Variants in GALNT18 observed in about 807,000 individuals in gnomAD.
GALNT18 encodes GalNAc-transferase 18.
A neutral mutation model predicts 69.5 loss-of-function variants in GALNT18; 44 were observed. That is an observed-to-expected ratio of 0.63 (90% CI 0.50 to 0.81). The LOEUF is 0.81. Ranked by LOEUF, GALNT18 falls within the 40% of genes least tolerant of loss-of-function variation. GALNT18 has a pLI of 0.00. For synonymous variants in GALNT18, 364 were observed against 318.2 expected (o/e 1.14, Z -1.53); for missense variants, 715 against 810.0 (o/e 0.88, Z 1.42).
chr11:11,326,291 A>G (rs149748943), intron 9 of GALNT18, among the ~76,000 whole-genome samples: 468 of 152,164 alleles, frequency 3.1e-3, no homozygotes, highest in Non-Finnish European at 4.7e-3. Flanking sequence ...TGATCCACCC[A>G]CCTTGGCCTC....
chr11:11,620,948 CA>C lies in GALNT18; in HGVS notation c.235+410del, dbSNP rs957172868. Among the ~76,000 whole-genome samples, 1 of 151,996 alleles carries C rather than the reference CA, an allele frequency of 6.6e-6. No homozygotes were observed. Among genetic ancestry groups the C allele is most frequent in the Non-Finnish European group, 1.5e-5 (1 of 67,990 alleles). On this transcript the variant is annotated intron_variant, in intron 1 of 10. Coordinates refer to ENST00000227756, the MANE Select transcript of GALNT18 (RefSeq NM_198516.3). The surrounding 1 kb of genome is among the most constrained non-coding windows in gnomAD (Gnocchi z 6.9). ...CATCTCGCCTGACGCCTACAGTGGCCAAAAAAGCTCGTTTGCCCGCGCGTTC... is the reference window on the plus strand; with the variant it reads ...CATCTCGCCTGACGCCTACAGTGGCCAAAAAGCTCGTTTGCCCGCGCGTTC...
At chr11:11,545,487 A>G (rs775964302) in intron 1 of GALNT18, among the ~76,000 whole-genome samples, 39 of 152,202 alleles carry the variant, frequency 2.6e-4, no homozygotes, top group Non-Finnish European at 5.3e-4. Context: ...TATGCCAACC[A>G]TGCCCACCTG....
chr11:11,284,374 T>C (rs1849148406), intron 10 of GALNT18, among the ~76,000 whole-genome samples: 1 of 152,178 alleles, frequency 6.6e-6, no homozygotes, highest in South Asian at 2.1e-4. Context: ...TCACTTCTGA[T>C]TCACTAGGTC....
rs1859993473 is a variant in GALNT18, at chr11:11,614,362, A to AGGAG, written c.235+6996_235+6997insCTCC. 1.4e-3 allele frequency among the ~76,000 whole-genome samples: 208 copies of AGGAG among 146,400 alleles called. 1 individual carries two copies. The highest frequency in any genetic ancestry group is 5.1e-3 in the African/African-American group (198 of 39,008). On this transcript the variant is annotated intron_variant, in intron 1 of 10. Transcript: ENST00000227756. The surrounding 1 kb of genome is among the most constrained non-coding windows in gnomAD (Gnocchi z 5.6). ...CAAGAGAGTGAGGAGAAGAAGAAGA[A>AGGAG]GAGGAGGAGGAGGAGGAGGAGGAGG...
At position 11,379,806 on chromosome 11, in the gene GALNT18, C is replaced by T. The variant is rs572658685; in HGVS notation, c.596-542G>A. Among the ~76,000 whole-genome samples the T allele has an allele frequency of 2.0e-3, 307 of 152,336 alleles. 1 individual carries two copies. Among genetic ancestry groups the T allele is most frequent in the African/African-American group, 7.0e-3 (289 of 41,578 alleles). ...AGGAAGTGGATGGCCAGGAGCTGTG[C>T]CCATGTGAGTAGCTGGTGTTGGTTT... On this transcript the variant is annotated intron_variant, in intron 3 of 10. Coordinates refer to ENST00000227756, the MANE Select transcript of GALNT18 (RefSeq NM_198516.3).
At chr11:11,397,567 G>T (rs1854363497) in intron 3 of GALNT18, among the ~76,000 whole-genome samples, 1 of 152,160 alleles carries the variant, frequency 6.6e-6, no homozygotes, top group African/African-American at 2.4e-5. Context: ...CGGTTCAAGT[G>T]ATTCTCATGC....
At position 11,494,561 on chromosome 11, in the gene GALNT18, C is replaced by G. The variant is rs541156134; in HGVS notation, c.236-45625G>C. Among the ~76,000 whole-genome samples, 4 of 152,224 alleles carry G rather than the reference C, an allele frequency of 2.6e-5. No individual in the cohort carries two copies. The highest frequency in any genetic ancestry group is 5.9e-5 in the Non-Finnish European group (4 of 68,042). ...ATATGAAAGACCCCTTGTGGGTGAG[C>G]TGAAGGCAGAGTCATGCCTCACAAT... On this transcript the variant is annotated intron_variant, in intron 1 of 10. Transcript: ENST00000227756. This position sits in a 1 kb window ranked among gnomAD's most constrained non-coding sequence, Gnocchi z 5.7.
intron 3 of GALNT18, among the ~76,000 whole-genome samples, chr11:11,412,617 C>T (rs1312225423): frequency 6.6e-6 from 1 of 152,212 alleles, no homozygotes; most frequent in Non-Finnish European, 1.5e-5. Context: ...GCATGCCTTG[C>T]AGTTGGCCTG....
At position 11,621,319 on chromosome 11, in the gene GALNT18, C is replaced by T. The variant is rs979948055; in HGVS notation, c.235+40G>A. On this transcript the variant is annotated intron_variant, in intron 1 of 10. Transcript: ENST00000227756. This position sits in a 1 kb window ranked among gnomAD's most constrained non-coding sequence, Gnocchi z 9.3. ...CACCCCGCGCCGCGCGGGGCACTCC[C>T]GGGCCTCATGGGCGACCCAAGTTTC... 1.3e-6 allele frequency: 2 copies of T among 1,570,548 alleles called. No individual in the cohort carries two copies. Among genetic ancestry groups the T allele is most frequent in the Non-Finnish European group, 1.7e-6 (2 of 1,143,884 alleles).
At chr11:11,282,158 CCT>C (rs1477646636) in intron 10 of GALNT18, among the ~76,000 whole-genome samples, 4 of 152,128 alleles carry the variant, frequency 2.6e-5, no homozygotes, top group African/African-American at 9.7e-5. Context: ...TTGACCTCAG[CCT>C]CTTTCACTGA....
rs377236081 is a variant in GALNT18 at position 11,377,138 on chromosome 11, T to G, written c.977+44A>C. 3 of 1,581,600 alleles carry G rather than the reference T, an allele frequency of 1.9e-6. No homozygotes were observed. The highest frequency in any genetic ancestry group is 2.7e-5 in the African/African-American group (2 of 74,196). ...TTGGACCAGTAGGCGGTCCCTAGCCTGGAGGTCAAAGCGGAGAGACCCACA... is the reference window on the plus strand; with the variant it reads ...TTGGACCAGTAGGCGGTCCCTAGCCGGGAGGTCAAAGCGGAGAGACCCACA... On this transcript the variant is annotated intron_variant, in intron 5 of 10. Transcript: ENST00000227756. This position sits in a 1 kb window ranked among gnomAD's most constrained non-coding sequence, Gnocchi z 4.6.
chr11:11,559,630 T>TGATGGGATGG (rs1858419125), intron 1 of GALNT18, among the ~76,000 whole-genome samples: 1 of 65,146 alleles, frequency 1.5e-5, no homozygotes. Flanking sequence ...GAATGAGACA[T>TGATGGGATGG]GATGGGATGG....
At chr11:11,292,988 C>A in intron 10 of GALNT18, 41 bp downstream of exon 10, 1 of 1,338,964 alleles carries the variant, frequency 7.5e-7, no homozygotes, top group South Asian at 2.5e-5. Context: ...TCCTGGTTTT[C>A]CACGATGGCT....
chr11:11,320,594 G>A lies in GALNT18; in HGVS notation c.1512+6492C>T, dbSNP rs909674376. On this transcript the variant is annotated intron_variant, in intron 9 of 10. Transcript: ENST00000227756. This position sits in a 1 kb window ranked among gnomAD's most constrained non-coding sequence, Gnocchi z 4.9. ...CCCTGACTTCATTCTCAGGTAACAC[G>A]TCCTAGAGTACCCCTTTTCTTACTC... Among the ~76,000 whole-genome samples the A allele has an allele frequency of 6.6e-6, 1 of 152,182 alleles. No homozygotes were observed. Among genetic ancestry groups the A allele is most frequent in the African/African-American group, 2.4e-5 (1 of 41,442 alleles).
In GALNT18 at chr11:11,432,163, C is replaced by T. The variant is rs889078123; in HGVS notation, c.595+458G>A. On this transcript the variant is annotated intron_variant, in intron 3 of 10. Coordinates refer to ENST00000227756, the MANE Select transcript of GALNT18 (RefSeq NM_198516.3). This position sits in a 1 kb window ranked among gnomAD's most constrained non-coding sequence, Gnocchi z 5.8. Reference sequence around the variant, plus strand: ...ATTGAGTTACGTGTCCACTGCCATCCCCATCATCACCACCACTACAACCTC... The same window carrying T: ...ATTGAGTTACGTGTCCACTGCCATCTCCATCATCACCACCACTACAACCTC... Among the ~76,000 whole-genome samples the T allele has an allele frequency of 1.3e-5, 2 of 152,140 alleles. No homozygotes were observed. The highest frequency in any genetic ancestry group is 2.9e-5 in the Non-Finnish European group (2 of 68,016).
chr11:11,320,709 C>T lies in GALNT18; in HGVS notation c.1512+6377G>A, dbSNP rs1042527180. On this transcript the variant is annotated intron_variant, in intron 9 of 10. Coordinates refer to ENST00000227756, the MANE Select transcript of GALNT18 (RefSeq NM_198516.3). The surrounding 1 kb of genome is among the most constrained non-coding windows in gnomAD (Gnocchi z 4.9). ...CCCCTTACCTTTCACTCATCCCCTG[C>T]CCCTGCGTTCATCATGGGTGGATGT... 3.3e-5 allele frequency among the ~76,000 whole-genome samples: 5 copies of T among 152,200 alleles called. No individual in the cohort carries two copies. Among genetic ancestry groups the T allele is most frequent in the African/African-American group, 1.2e-4 (5 of 41,440 alleles).
At position 11,340,755 on chromosome 11, in the gene GALNT18, C is replaced by T; in HGVS notation, c.1278+64G>A. On this transcript the variant is annotated intron_variant, in intron 7 of 10. Transcript: ENST00000227756. The surrounding 1 kb of genome is among the most constrained non-coding windows in gnomAD (Gnocchi z 4.2). Reference sequence around the variant, plus strand: ...ACCCATAGGAAGAAGGGTTCGGTCCCATATCTTGTTTTGTTTGTTTTCCAC... The same window carrying T: ...ACCCATAGGAAGAAGGGTTCGGTCCTATATCTTGTTTTGTTTGTTTTCCAC... The T allele has an allele frequency of 6.8e-7, 1 of 1,479,642 alleles. No homozygotes were observed. Among genetic ancestry groups the T allele is most frequent in the South Asian group, 1.3e-5 (1 of 77,444 alleles). 91.7% of individuals were successfully genotyped at this position (1,479,642 alleles called of 1,614,324 possible). A position where few individuals can be genotyped will look rare whatever the true frequency, so the allele number is the denominator to read the frequency against.
rs527723685 is a variant in GALNT18 at position 11,488,927 on chromosome 11, C to T, written c.236-39991G>A. ...GAAAGCTCTACTGTAGACCCCAAGGCCCAAACATGACCTTGCCCTTGACCC... is the reference window on the plus strand; with the variant it reads ...GAAAGCTCTACTGTAGACCCCAAGGTCCAAACATGACCTTGCCCTTGACCC... On this transcript the variant is annotated intron_variant, in intron 1 of 10. Coordinates refer to ENST00000227756, the MANE Select transcript of GALNT18 (RefSeq NM_198516.3). 1.1e-3 allele frequency among the ~76,000 whole-genome samples: 170 copies of T among 152,286 alleles called. 1 individual carries two copies. Among genetic ancestry groups the T allele is most frequent in the African/African-American group, 3.9e-3 (163 of 41,546 alleles).
In GALNT18 at chr11:11,285,605, A is replaced by G. The variant is rs191085525; in HGVS notation, c.1677+7424T>C. 1.5e-4 allele frequency among the ~76,000 whole-genome samples: 23 copies of G among 152,244 alleles called. No individual in the cohort carries two copies. The East Asian group carries it at 2.9e-3, about 19-fold the overall frequency. Reference sequence around the variant, plus strand: ...TAAACGAAGCTTTGTCAGTCCCTCAAAACTGGACAGTTCTACACTTGTCCC... The same window carrying G: ...TAAACGAAGCTTTGTCAGTCCCTCAGAACTGGACAGTTCTACACTTGTCCC... On this transcript the variant is annotated intron_variant, in intron 10 of 10. Transcript: ENST00000227756.
Sources: allele counts gnomAD v4.1 joint callset (sites outside exome capture counted in the v4.1 genomes callset), GRCh38; gene constraint gnomAD v4.1.1; non-coding constraint Gnocchi (gnomAD v3.1); transcripts MANE v1.5; gene names NCBI Gene and HGNC (gene_info 2026-07-23, HGNC 2026-07-21).